Variants in ATP6V1B1 observed in about 807,000 individuals in gnomAD.
ATP6V1B1 encodes the protein V-type proton ATPase subunit B, kidney isoform.
A neutral mutation model predicts 62.1 loss-of-function variants in ATP6V1B1; 41 were observed. That is an observed-to-expected ratio of 0.66 (90% confidence interval 0.51 to 0.86). ATP6V1B1 has a LOEUF of 0.86. Ranked by LOEUF, ATP6V1B1 falls within the 40% of genes least tolerant of loss-of-function variation. The pLI, the probability that ATP6V1B1 is intolerant of heterozygous loss-of-function variation, is 0.00. For synonymous variants in ATP6V1B1, 253 were observed against 273.4 expected (o/e 0.93, Z 0.74); for missense variants, 651 against 697.5 (o/e 0.93, Z 0.75).
rs1360733102 is a variant in ATP6V1B1, at chr2:70,963,924, C to A, written c.1143+270C>A. On this transcript the variant is annotated intron_variant, in intron 11 of 13. Transcript: ENST00000234396. This position sits in a 1 kb window ranked among gnomAD's most constrained non-coding sequence, Gnocchi z 4.3. ...AAAATGGGAATAATCAAATATATCACCCAGACGCATTGTGGAGGATAAAAA... is the reference window on the plus strand; with the variant it reads ...AAAATGGGAATAATCAAATATATCAACCAGACGCATTGTGGAGGATAAAAA... 4 of 548,982 alleles carry A rather than the reference C, an allele frequency of 7.3e-6. No homozygotes were observed. Among genetic ancestry groups the A allele is most frequent in the Non-Finnish European group, 1.3e-5 (4 of 304,214 alleles). 34.0% of individuals were successfully genotyped at this position (548,982 alleles called of 1,614,324 possible). A position where few individuals can be genotyped will look rare whatever the true frequency, so the allele number is the denominator to read the frequency against.
chr2:70,950,166 G>A (rs578137832), intron 2 of ATP6V1B1, among the ~76,000 whole-genome samples: 3 of 152,006 alleles, frequency 2.0e-5, no homozygotes, highest in East Asian at 3.9e-4. Flanking sequence ...ATCTCCTTCT[G>A]GACTTTTTTT....
At chr2:70,964,708 G>A in intron 12 of ATP6V1B1, 28 bp from the exon 13 acceptor site, 1 of 1,613,032 alleles carries the variant, frequency 6.2e-7, no homozygotes, top group Non-Finnish European at 8.5e-7. Context: ...AGCCCGCAGC[G>A]GCCACCGACG....
At chr2:70,957,087 CTTTTTTTT>C (rs56407020) in intron 2 of ATP6V1B1, among the ~76,000 whole-genome samples, 10 of 125,158 alleles carry the variant, frequency 8.0e-5, no homozygotes, top group South Asian at 7.7e-4. Flanking sequence ...AGTTCTTCTT[CTTTTTTTT>C]TTTTTTTTTT....
Position 70,940,657 on chromosome 2 carries a change from C to T in ATP6V1B1, c.119-3001C>T, listed in dbSNP as rs571506545. The T allele has an allele frequency of 8.1e-5, 80 of 985,408 alleles. 1 individual carries two copies. In the South Asian group the frequency reaches 3.5e-3, roughly 43 times the overall value. The allele number at this position is 985,408 out of a possible 1,614,324, so 61.0% of individuals were successfully genotyped here. ...GAGGAGTCTTCCTATGCCCAACAGCCCCTTAGCCCAGTACATCCTCTTTCT... is the reference window on the plus strand; with the variant it reads ...GAGGAGTCTTCCTATGCCCAACAGCTCCTTAGCCCAGTACATCCTCTTTCT... On this transcript the variant is annotated intron_variant, in intron 1 of 13. Coordinates refer to ENST00000234396, the MANE Select transcript of ATP6V1B1 (RefSeq NM_001692.4).
intron 1 of ATP6V1B1, among the ~76,000 whole-genome samples, chr2:70,942,959 T>C (rs1313346803): frequency 2.0e-5 from 3 of 152,208 alleles, no homozygotes; most frequent in African/African-American, 7.2e-5. Context: ...AGTTAGGAAG[T>C]ATTTTTTGGC....
At chr2:70,948,996 T>A (rs1680259017) in intron 2 of ATP6V1B1, among the ~76,000 whole-genome samples, 1 of 152,168 alleles carries the variant, frequency 6.6e-6, no homozygotes, top group African/African-American at 2.4e-5. Flanking sequence ...ATGATGATAA[T>A]CACCAGCACT....
chr2:70,962,797 C>T lies in ATP6V1B1; in HGVS notation c.806C>T (p.Pro269Leu), dbSNP rs145090491. 10 of 1,613,946 alleles carry T rather than the reference C, an allele frequency of 6.2e-6. No individual in the cohort carries two copies. The highest frequency in any genetic ancestry group is 5.3e-5 in the African/African-American group (4 of 74,934). ...TCCAGGATCGAGCGGATCATCACCC[C>T]GCGCCTGGCGCTGACCACTGCTGAA... ...NDPTIERIIT[P>L]RLALTTAEFL... Residue 269 changes from proline to leucine, a missense_variant, in exon 9 of 14, where the codon CCG (proline) becomes CTG (leucine). Pro to Leu is a moderately conservative substitution (Grantham distance 98). Transcript: ENST00000234396.
intron 2 of ATP6V1B1, among the ~76,000 whole-genome samples, chr2:70,945,729 T>TATATATATAC (rs1680151751): frequency 7.3e-6 from 1 of 136,382 alleles, no homozygotes; most frequent in Non-Finnish European, 1.6e-5. Flanking sequence ...TATATATATA[T>TATATATATAC]ATATATATAT....
intron 1 of ATP6V1B1, among the ~76,000 whole-genome samples, chr2:70,938,058 T>G (rs1403861595): frequency 1.3e-5 from 2 of 152,206 alleles, no homozygotes; most frequent in African/African-American, 2.4e-5. Context: ...CTCTAGGCTC[T>G]GCTCCCTGCC....
Position 70,959,194 on chromosome 2 carries a change from T to C in ATP6V1B1, c.445+99T>C, listed in dbSNP as rs1680520108. The C allele has an allele frequency of 1.5e-6, 2 of 1,346,430 alleles. No individual in the cohort carries two copies. The highest frequency in any genetic ancestry group is 2.1e-6 in the Non-Finnish European group (2 of 948,334). The allele number at this position is 1,346,430 out of a possible 1,614,324, so 83.4% of individuals were successfully genotyped here. On this transcript the variant is annotated intron_variant, in intron 5 of 13. Coordinates refer to ENST00000234396, the MANE Select transcript of ATP6V1B1 (RefSeq NM_001692.4). This position sits in a 1 kb window ranked among gnomAD's most constrained non-coding sequence, Gnocchi z 4.2. ...AGACTCACAAGCAGATCAGATGTGA[T>C]GGGAGAGCAGCAAAGGCCTCTCTAT...
intron 2 of ATP6V1B1, chr2:70,957,735 A>C (rs551659068): frequency 1.7e-5 from 7 of 400,542 alleles, no homozygotes; most frequent in South Asian, 1.5e-4. Context: ...AGACGAGGAA[A>C]CTAAACCTCA....
At chr2:70,939,971 C>CTAAG (rs1428224858) in intron 1 of ATP6V1B1, 1 of 152,272 alleles carries the variant, frequency 6.6e-6, no homozygotes, top group African/African-American at 2.4e-5. Flanking sequence ...GGCTGATGTG[C>CTAAG]TAAGATGTTG....
In ATP6V1B1 at chr2:70,965,101, G is replaced by C. The variant is rs782544614; in HGVS notation, c.1522G>C (p.Ala508Pro). 6 of 1,611,584 alleles carry C rather than the reference G, an allele frequency of 3.7e-6. No individual in the cohort carries two copies. The South Asian group carries it at 5.5e-5, about 15-fold the overall frequency. Residue 508 changes from alanine (A) to proline (P), a missense_variant, in exon 14 of 14, where the codon GCG becomes CCG. Coordinates refer to ENST00000234396, the MANE Select transcript of ATP6V1B1 (RefSeq NM_001692.4). Reference protein sequence around the residue: ...YSREGALQDLAPDTAL With the variant: ...YSREGALQDLPPDTAL ...CCGCGAGGGGGCGCTGCAGGACCTC[G>C]CGCCTGACACTGCGCTCTAGCCCCG...
chr2:70,958,328 C>G lies in ATP6V1B1; in HGVS notation c.274-5C>G, dbSNP rs377280267. 1.9e-6 allele frequency: 3 copies of G among 1,613,990 alleles called. No individual in the cohort carries two copies. The African/African-American group carries it at 4.0e-5, about 22-fold the overall frequency. On this transcript the variant is annotated splice_region_variant and splice_polypyrimidine_tract_variant and intron_variant, in intron 3 of 13. Transcript: ENST00000234396. ...TAGTGGAGAAACTCCCTCTTGTTCC[C>G]ACAGGTGTTTGAAGGGACATCAGGG...
intron 2 of ATP6V1B1, among the ~76,000 whole-genome samples, chr2:70,946,730 CT>C (rs377690930): frequency 2.2e-4 from 33 of 152,328 alleles, no homozygotes; most frequent in African/African-American, 7.9e-4. Flanking sequence ...GTGCCACCTC[CT>C]GCCCCCTCTC....
At chr2:70,950,621 G>A (rs1325439368) in intron 2 of ATP6V1B1, among the ~76,000 whole-genome samples, 13 of 151,966 alleles carry the variant, frequency 8.6e-5, no homozygotes, top group African/African-American at 3.1e-4. Context: ...AGGAGGGGGG[G>A]AATGATTTTT....
Position 70,964,508 on chromosome 2 carries a change from C to T in ATP6V1B1, c.1214C>T (p.Thr405Ile). The change falls in exon 12 of 14, where the codon ACA becomes ATA. Residue 405 changes from threonine to isoleucine, a missense_variant. Transcript: ENST00000234396. The stretch of plus-strand genomic sequence containing the variant: ...AAGTCAGCCATTGGGGAAGGCATGA[C>T]AAGAAAGGACCATGGAGATGTCTCC... ...LMKSAIGEGM[T>I]RKDHGDVSNQ... The T allele has an allele frequency of 2.5e-6, 4 of 1,614,136 alleles. No individual in the cohort carries two copies. Among genetic ancestry groups the T allele is most frequent in the Non-Finnish European group, 3.4e-6 (4 of 1,180,040 alleles).
intron 4 of ATP6V1B1, 109 bp downstream of exon 4, chr2:70,958,535 C>A: frequency 9.3e-7 from 1 of 1,077,568 alleles, no homozygotes; most frequent in Non-Finnish European, 1.4e-6. Context: ...TTACTTCCTG[C>A]CTGTCTCTCT....
At chr2:70,950,696 A>G (rs1271940733) in intron 2 of ATP6V1B1, among the ~76,000 whole-genome samples, 1 of 152,096 alleles carries the variant, frequency 6.6e-6, no homozygotes, top group African/African-American at 2.4e-5. Context: ...CTAAACCAGA[A>G]CCTCTTGAGT....
Sources: gnomAD v4.1 joint callset for allele counts (sites outside exome capture counted in the v4.1 genomes callset) on GRCh38, gnomAD v4.1.1 for gene constraint, Gnocchi (gnomAD v3.1) non-coding constraint, MANE v1.5 for transcripts, NCBI Gene and HGNC (gene_info 2026-07-23, HGNC 2026-07-21) for gene names.